Variants in FRMPD4 observed in about 807,000 individuals in gnomAD.
FRMPD4 encodes the protein FERM and PDZ domain-containing protein 4.
In FRMPD4, 22 loss-of-function variants were observed where a neutral mutation model predicts 94.1. That is an observed-to-expected ratio of 0.23 (90% confidence interval 0.17 to 0.33). The LOEUF is 0.33. Ranked by LOEUF, FRMPD4 falls within the 10% of genes least tolerant of loss-of-function variation. The pLI, the probability that FRMPD4 is intolerant of heterozygous loss-of-function variation, is 1.00. For synonymous variants in FRMPD4, 631 were observed against 548.6 expected, an observed-to-expected ratio of 1.15 and a Z score of -2.10; for missense variants, 1,111 against 1,339.9, an observed-to-expected ratio of 0.83 and a Z score of 2.67.
intron 3 of FRMPD4, among the ~76,000 whole-genome samples, chrX:12,073,112 T>C (rs2147473923): frequency 9.0e-6 from 1 of 111,671 alleles, no homozygotes; most frequent in Admixed American, 9.6e-5. Context: ...TAGTTCATTG[T>C]ATAAATATAC....
At chrX:12,206,417 C>G (rs1444477468) in intron 1 of FRMPD4, among the ~76,000 whole-genome samples, 1 of 111,669 alleles carries the variant, frequency 9.0e-6, no homozygotes, top group Non-Finnish European at 1.9e-5. Context: ...TGAGGCAGAG[C>G]CAACCCTACT....
intron 1 of FRMPD4, among the ~76,000 whole-genome samples, chrX:12,185,528 T>C (rs771560295): frequency 9.0e-6 from 1 of 111,307 alleles, no homozygotes; most frequent in Non-Finnish European, 1.9e-5. Context: ...GGGCTAACTC[T>C]TCCAAGGGTC....
chrX:12,258,459 C>A (rs1390104520), intron 1 of FRMPD4, among the ~76,000 whole-genome samples: 1 of 111,105 alleles, frequency 9.0e-6, no homozygotes, highest in Admixed American at 9.6e-5. Flanking sequence ...AAGTCCCTCA[C>A]CAAATGTGGC....
intron 12 of FRMPD4, 125 bp from the exon 13 acceptor site, chrX:12,707,344 G>C (rs979953005): frequency 9.6e-6 from 5 of 522,953 alleles, no homozygotes; most frequent in Non-Finnish European, 1.6e-5. Flanking sequence ...GGATGATTTA[G>C]TACAGTATGA....
chrX:12,679,830 G>A (rs148504311), intron 5 of FRMPD4, among the ~76,000 whole-genome samples: 130 of 111,197 alleles, frequency 1.2e-3, no homozygotes, highest in African/African-American at 3.4e-3. Context: ...TAGTAACAGC[G>A]AATGCTTTAC....
intron 5 of FRMPD4, among the ~76,000 whole-genome samples, chrX:12,678,485 A>T (rs2059925059): frequency 8.9e-6 from 1 of 112,017 alleles, no homozygotes; most frequent in South Asian, 3.7e-4. Flanking sequence ...TACAGTTTCC[A>T]AGTCTAGAAT....
At chrX:12,507,122 T>C (rs2057993664) in intron 2 of FRMPD4, among the ~76,000 whole-genome samples, 1 of 112,489 alleles carries the variant, frequency 8.9e-6, no homozygotes, top group Non-Finnish European at 1.9e-5. Flanking sequence ...CACATGGCCT[T>C]CTCAATAAAG....
chrX:11,906,913 C>A (rs2053971170), intron 3 of FRMPD4, among the ~76,000 whole-genome samples: 1 of 111,136 alleles, frequency 9.0e-6, no homozygotes, highest in Admixed American at 9.6e-5. Flanking sequence ...ATTTTCCTCT[C>A]TGTTGTTCAA....
intron 1 of FRMPD4, among the ~76,000 whole-genome samples, chrX:12,476,869 A>T (rs1248056154): frequency 2.7e-5 from 3 of 111,897 alleles, no homozygotes; most frequent in African/African-American, 9.8e-5. Context: ...TGTTGGTGGG[A>T]CTGTAAACTA....
At chrX:12,226,860 C>A (rs1377819427) in intron 1 of FRMPD4, among the ~76,000 whole-genome samples, 1 of 109,993 alleles carries the variant, frequency 9.1e-6, no homozygotes, top group Non-Finnish European at 1.9e-5. Flanking sequence ...GCAAACCTGC[C>A]CTCTGCTTGG....
At chrX:12,185,707 C>T (rs1214160102) in intron 1 of FRMPD4, among the ~76,000 whole-genome samples, 1 of 111,473 alleles carries the variant, frequency 9.0e-6, no homozygotes, top group South Asian at 3.7e-4. Context: ...ACATAAGTAA[C>T]AAAGGAAAAA....
chrX:11,845,268 A>G (rs1048932338), intron 1 of FRMPD4, among the ~76,000 whole-genome samples: 2 of 112,211 alleles, frequency 1.8e-5, no homozygotes, highest in Non-Finnish European at 3.8e-5. Context: ...ATAAACAGAA[A>G]GAAATAAACA....
At chrX:12,610,035 G>T (rs1419608301) in intron 3 of FRMPD4, among the ~76,000 whole-genome samples, 154 bp downstream of exon 3, 1 of 112,210 alleles carries the variant, frequency 8.9e-6, no homozygotes, top group African/African-American at 3.2e-5. Context: ...GAACAGAAAT[G>T]CTTCCTCAAA....
intron 3 of FRMPD4, among the ~76,000 whole-genome samples, chrX:12,090,026 C>T (rs891252811): frequency 1.8e-5 from 2 of 111,090 alleles, no homozygotes; most frequent in African/African-American, 6.6e-5. Context: ...ATAACAAGGG[C>T]CACAGGAAAA....
chrX:12,383,432 G>T, intron 1 of FRMPD4, among the ~76,000 whole-genome samples: 1 of 111,398 alleles, frequency 9.0e-6, no homozygotes, highest in East Asian at 2.8e-4. Context: ...CCTGCAGTGC[G>T]CAGGACCCCT....
intron 16 of FRMPD4, among the ~76,000 whole-genome samples, chrX:12,720,027 AAG>A (rs1280572985): frequency 9.8e-4 from 38 of 38,736 alleles, no homozygotes; most frequent in Non-Finnish European, 1.8e-3. Context: ...AAGGAAAGGA[AAG>A]GAAAGGAAAG....
chrX:12,088,456 C>T (rs774906277), intron 3 of FRMPD4, among the ~76,000 whole-genome samples: 2 of 111,983 alleles, frequency 1.8e-5, no homozygotes, highest in Non-Finnish European at 3.8e-5. Flanking sequence ...CACCTCAACT[C>T]GGAATTGGTG....
At chrX:12,583,614 C>G in intron 2 of FRMPD4, 1 of 498,860 alleles carries the variant, frequency 2.0e-6, no homozygotes, top group East Asian at 4.1e-5. Context: ...AAGCCTCGCA[C>G]CTGGCGGCCC....
chrX:12,025,024 A>G (rs911841705), intron 3 of FRMPD4, among the ~76,000 whole-genome samples: 1 of 108,401 alleles, frequency 9.2e-6, no homozygotes, highest in African/African-American at 3.5e-5. Flanking sequence ...AACATTTGCC[A>G]TAATTGACCA....
Sources: gnomAD v4.1 joint callset for allele counts (sites outside exome capture counted in the v4.1 genomes callset) on GRCh38, gnomAD v4.1.1 for gene constraint, MANE v1.5 for transcripts, NCBI Gene and HGNC (gene_info 2026-07-23, HGNC 2026-07-21) for gene names.